Variants in SH3D19 observed in about 807,000 individuals in gnomAD.
The protein encoded by SH3D19 is SH3 domain containing 19.
In SH3D19, 58 loss-of-function variants were observed where a neutral mutation model predicts 112.1. The observed-to-expected ratio is 0.52, with a 90% CI of 0.42 to 0.64. SH3D19 has a LOEUF of 0.64. SH3D19 is among the 30% of genes least tolerant of loss of function. The probability of loss-of-function intolerance (pLI) is 0.00; values close to 1 mark genes in which losing one functional copy is unlikely to be tolerated. For missense variants in SH3D19, 1,090 were observed against 1,263.4 expected (o/e 0.86, Z 2.08); for synonymous variants, 391 against 448.5 (o/e 0.87, Z 1.62).
At chr4:151,177,855 G>A (rs1051436943) in intron 4 of SH3D19, among the ~76,000 whole-genome samples, 10 of 152,180 alleles carry the variant, frequency 6.6e-5, no homozygotes, top group African/African-American at 2.4e-4. Flanking sequence ...CTTTAATACT[G>A]GAGAGCTATA....
intron 2 of SH3D19, among the ~76,000 whole-genome samples, chr4:151,212,106 A>G (rs1357710583): frequency 1.3e-5 from 2 of 152,256 alleles, no homozygotes; most frequent in African/African-American, 4.8e-5. Flanking sequence ...TTAGAGGCTA[A>G]TGCAGCTGAT....
At chr4:151,308,620 G>T (rs1053253463) in intron 1 of SH3D19, among the ~76,000 whole-genome samples, 2 of 152,168 alleles carry the variant, frequency 1.3e-5, no homozygotes, top group African/African-American at 4.8e-5. Context: ...CAGAATTGTG[G>T]CTGACCAACC....
At chr4:151,163,788 G>C (rs372860634) in intron 8 of SH3D19, among the ~76,000 whole-genome samples, 43 of 151,974 alleles carry the variant, frequency 2.8e-4, no homozygotes, top group African/African-American at 1.0e-3. Flanking sequence ...TCACCATGTT[G>C]GCCAGGCTGG....
intron 1 of SH3D19, among the ~76,000 whole-genome samples, chr4:151,252,458 A>T (rs951405757): frequency 1.3e-5 from 2 of 152,068 alleles, no homozygotes; most frequent in Non-Finnish European, 2.9e-5. Context: ...TACTACTCTC[A>T]GTTCTCAGCC....
chr4:151,209,183 C>A (rs564644054), intron 2 of SH3D19, among the ~76,000 whole-genome samples: 1 of 152,218 alleles, frequency 6.6e-6, no homozygotes, highest in Middle Eastern at 3.4e-3. Flanking sequence ...ATTCTAACCC[C>A]GTCAGCCTGA....
At chr4:151,135,196 G>A in intron 14 of SH3D19, 64 bp from the exon 15 acceptor site, 1 of 1,361,472 alleles carries the variant, frequency 7.3e-7, no homozygotes. Context: ...ATAAATTTAA[G>A]GTTAAGTAAT....
intron 7 of SH3D19, 36 bp downstream of exon 7, chr4:151,174,634 G>A: frequency 6.0e-6 from 9 of 1,490,058 alleles, no homozygotes; most frequent in Non-Finnish European, 8.0e-6. Flanking sequence ...CCTATCATGA[G>A]TTTAGATTCC....
intron 1 of SH3D19, among the ~76,000 whole-genome samples, chr4:151,229,267 C>A (rs1366572697): frequency 6.6e-6 from 1 of 152,060 alleles, no homozygotes; most frequent in Non-Finnish European, 1.5e-5. Context: ...ATATGAATAA[C>A]TTTCTAGCCC....
At chr4:151,257,399 T>C (rs547764463) in intron 1 of SH3D19, among the ~76,000 whole-genome samples, 1 of 152,232 alleles carries the variant, frequency 6.6e-6, no homozygotes. Flanking sequence ...ATAACTCAAT[T>C]GTAATAATTA....
intron 17 of SH3D19, 115 bp from the exon 18 acceptor site, chr4:151,128,471 C>T: frequency 1.4e-6 from 1 of 722,254 alleles, no homozygotes; most frequent in South Asian, 3.0e-5. Flanking sequence ...GATTTCAAAG[C>T]CTGAAGGCTT....
Position 151,128,277 on chromosome 4 carries a change from C to T in SH3D19, c.2822G>A (p.Arg941Lys). Residue 941 changes from arginine (R) to lysine (K), a missense_variant, in exon 18 of 20, where the codon AGG (arginine) becomes AAG (lysine). By Grantham distance (26) the Arg-to-Lys change is conservative. Coordinates refer to ENST00000604030, the MANE Select transcript of SH3D19 (RefSeq NM_001378122.1). ...AETSDDLSFK[R>K]GDRIQILERL... ...TTCCAGAATCTGGATCCGGTCTCCCCTCTTGAATGATAAGTCATCACTGGT... is the reference window on the plus strand; with the variant it reads ...TTCCAGAATCTGGATCCGGTCTCCCTTCTTGAATGATAAGTCATCACTGGT... The T allele has an allele frequency of 6.2e-7, 1 of 1,614,164 alleles. No homozygotes were observed. Among genetic ancestry groups the T allele is most frequent in the South Asian group, 1.1e-5 (1 of 91,076 alleles).
intron 1 of SH3D19, among the ~76,000 whole-genome samples, chr4:151,286,156 G>A (rs1201466977): frequency 3.5e-5 from 5 of 142,768 alleles, no homozygotes; most frequent in African/African-American, 1.3e-4. Context: ...GCTCCAGGCT[G>A]GGTGACACAG....
At chr4:151,280,476 CA>C (rs1188079265) in intron 1 of SH3D19, among the ~76,000 whole-genome samples, 16 of 152,212 alleles carry the variant, frequency 1.1e-4, no homozygotes, top group African/African-American at 3.9e-4. Flanking sequence ...CAATGGTACT[CA>C]ACTAAGTCAC....
intron 1 of SH3D19, among the ~76,000 whole-genome samples, chr4:151,263,555 T>TG (rs1378831641): frequency 1.3e-4 from 20 of 152,248 alleles, no homozygotes; most frequent in Non-Finnish European, 5.9e-5. Context: ...GACAGTTATC[T>TG]GGAAGACTTA....
At chr4:151,245,163 A>AAATAAAAT (rs1554061536) in intron 1 of SH3D19, among the ~76,000 whole-genome samples, 1 of 151,368 alleles carries the variant, frequency 6.6e-6, no homozygotes, top group Non-Finnish European at 1.5e-5. Context: ...AAATAAAATA[A>AAATAAAAT]AATAATAATA....
intron 9 of SH3D19, among the ~76,000 whole-genome samples, chr4:151,155,319 C>T (rs951302466): frequency 6.6e-6 from 1 of 152,148 alleles, no homozygotes; most frequent in African/African-American, 2.4e-5. Flanking sequence ...AAGTTTATTA[C>T]CAGCTACTTT....
At chr4:151,253,048 A>C (rs1771530958) in intron 1 of SH3D19, among the ~76,000 whole-genome samples, 3 of 152,178 alleles carry the variant, frequency 2.0e-5, no homozygotes, top group Non-Finnish European at 4.4e-5. Context: ...GACCATTATC[A>C]ATCTACTTGC....
At chr4:151,292,048 C>A (rs1775377994) in intron 1 of SH3D19, among the ~76,000 whole-genome samples, 1 of 152,132 alleles carries the variant, frequency 6.6e-6, no homozygotes, top group South Asian at 2.1e-4. Context: ...TTGGCTCACA[C>A]CTGTAATCCC....
chr4:151,152,292 A>G (rs544271258), intron 9 of SH3D19, among the ~76,000 whole-genome samples: 1 of 152,306 alleles, frequency 6.6e-6, no homozygotes, highest in Admixed American at 6.5e-5. Flanking sequence ...GGTATTCCAC[A>G]CATAACCTCA....
Sources: gnomAD v4.1 joint callset for allele counts (sites outside exome capture counted in the v4.1 genomes callset) on GRCh38, gnomAD v4.1.1 for gene constraint, MANE v1.5 for transcripts, NCBI Gene and HGNC (gene_info 2026-07-23, HGNC 2026-07-21) for gene names.